The following PLAGL1 variants were observed in gnomAD, a reference collection of about 807,000 sequenced individuals.
PLAGL1 encodes the protein PLAG1 like zinc finger 1, also known as zinc finger protein PLAGL1.
In PLAGL1, 1 loss-of-function variant was observed where a neutral mutation model predicts 4.6. The ratio of observed to expected loss-of-function variants is 0.22; its 90% CI spans 0.08 to 1.03. PLAGL1 has a LOEUF of 1.03. Ranked by LOEUF, PLAGL1 falls within the 50% of genes least tolerant of loss-of-function variation. The pLI is 0.58. For synonymous variants in PLAGL1, 240 were observed against 237.8 expected, an observed-to-expected ratio of 1.01 and a Z score of -0.08; for missense variants, 464 against 570.4, an observed-to-expected ratio of 0.81 and a Z score of 1.90.
At chr6:144,002,881 GGC>G (rs1793212217) in intron 1 of PLAGL1, among the ~76,000 whole-genome samples, 2 of 62,060 alleles carry the variant, frequency 3.2e-5, no homozygotes, top group African/African-American at 6.3e-5. Flanking sequence ...AATTCTGGTA[GGC>G]TTTTTTTTTT....
rs771959962 is a variant in PLAGL1 at position 143,941,389 on chromosome 6, C to A, written c.*35G>T. Reference sequence around the variant, plus strand: ...ACATTTAAAATGCTTCTTAAAACATCTTCCAGAATACGAAAAATACACTTT... The same window carrying A: ...ACATTTAAAATGCTTCTTAAAACATATTCCAGAATACGAAAAATACACTTT... On this transcript the variant is annotated 3_prime_UTR_variant, in exon 8 of 8. Coordinates refer to ENST00000674357, the MANE Select transcript of PLAGL1 (RefSeq NM_001317162.2). The surrounding 1 kb of genome is among the most constrained non-coding windows in gnomAD (Gnocchi z 6.0). 2.0e-6 allele frequency: 3 copies of A among 1,465,954 alleles called. No individual in the cohort carries two copies. Among genetic ancestry groups the A allele is most frequent in the Non-Finnish European group, 2.7e-6 (3 of 1,098,600 alleles). The allele number at this position is 1,465,954 out of a possible 1,614,324, so 90.8% of individuals were successfully genotyped here. A position where few individuals can be genotyped will look rare whatever the true frequency, so the allele number is the denominator to read the frequency against.
chr6:144,057,542 T>C (rs902654591), intron 1 of PLAGL1, among the ~76,000 whole-genome samples: 1 of 152,202 alleles, frequency 6.6e-6, no homozygotes, highest in African/African-American at 2.4e-5. Flanking sequence ...TACCCTTCCC[T>C]GCACTGGTGC....
intron 1 of PLAGL1, among the ~76,000 whole-genome samples, chr6:143,996,999 A>G (rs917765936): frequency 6.6e-6 from 1 of 152,112 alleles, no homozygotes; most frequent in Admixed American, 6.5e-5. Flanking sequence ...ACCACTAAAA[A>G]CCCGATAAAC....
chr6:143,953,941 G>A lies in PLAGL1; in HGVS notation c.-324-5481C>T, dbSNP rs1781567659. 1.3e-5 allele frequency among the ~76,000 whole-genome samples: 2 copies of A among 152,136 alleles called. No individual in the cohort carries two copies. ...CTGACCTCTCCTGATGCCTGCAGTG[G>A]GGTGCCTGCCCTTCCTTCCCCTAGC... is the stretch of plus-strand genomic sequence containing the variant. On this transcript the variant is annotated intron_variant, in intron 6 of 7. Coordinates refer to ENST00000674357, the MANE Select transcript of PLAGL1 (RefSeq NM_001317162.2). This position sits in a 1 kb window ranked among gnomAD's most constrained non-coding sequence, Gnocchi z 5.3.
chr6:143,987,067 T>C (rs138181501), intron 1 of PLAGL1, among the ~76,000 whole-genome samples: 2 of 152,302 alleles, frequency 1.3e-5, no homozygotes, highest in Non-Finnish European at 2.9e-5. Context: ...CACTGAAATA[T>C]ATTAAAAACA....
At chr6:144,029,998 A>G (rs1325310014) in intron 1 of PLAGL1, among the ~76,000 whole-genome samples, 1 of 152,192 alleles carries the variant, frequency 6.6e-6, no homozygotes, top group East Asian at 1.9e-4. Context: ...TCACGCCTGT[A>G]ATCCCAGCAC....
rs545060346 is a variant in PLAGL1 at position 144,015,453 on chromosome 6, C to A, written c.-150-46475G>T. Among the ~76,000 whole-genome samples, 19 of 152,062 alleles carry A rather than the reference C, an allele frequency of 1.2e-4. No homozygotes were observed. Among genetic ancestry groups the A allele is most frequent in the Non-Finnish European group, 1.5e-5 (1 of 68,004 alleles). On this transcript the variant is annotated intron_variant, in intron 1 of 3. Coordinates refer to the PLAGL1 transcript ENST00000437412. The surrounding 1 kb of genome is among the most constrained non-coding windows in gnomAD (Gnocchi z 4.3). ...CAATTGGATTTTACTAAAATAAAACCTGATCTTTAAAAGAGACCATTAAGG... is the reference window on the plus strand; with the variant it reads ...CAATTGGATTTTACTAAAATAAAACATGATCTTTAAAAGAGACCATTAAGG...
intron 1 of PLAGL1, among the ~76,000 whole-genome samples, chr6:144,018,145 G>A (rs919508306): frequency 3.3e-5 from 5 of 152,230 alleles, no homozygotes; most frequent in African/African-American, 7.2e-5. Flanking sequence ...AAACTACTTC[G>A]GGGAACATTG....
Position 144,036,523 on chromosome 6 carries a change from C to G in PLAGL1, c.-151+27945G>C. 1 of 171,338 alleles carries G rather than the reference C, an allele frequency of 5.8e-6. No individual in the cohort carries two copies. The highest frequency in any genetic ancestry group is 2.6e-3 in the Middle Eastern group (1 of 388). The allele number at this position is 171,338 out of a possible 1,614,324, so 10.6% of individuals were successfully genotyped here. On this transcript the variant is annotated intron_variant, in intron 1 of 3. Transcript: ENST00000437412. This position sits in a 1 kb window ranked among gnomAD's most constrained non-coding sequence, Gnocchi z 5.1. ...TCAGCACTTTGTGACAGGACAATTA[C>G]TGCCGCGTGACAGGACTCCAGTCCT... is the stretch of plus-strand genomic sequence containing the variant.
In PLAGL1 at chr6:143,947,933, A is replaced by G. The variant is rs1780137040; in HGVS notation, c.152+52T>C. 6.7e-7 allele frequency: 1 copy of G among 1,502,788 alleles called. No homozygotes were observed. Among genetic ancestry groups the G allele is most frequent in the East Asian group, 2.3e-5 (1 of 43,958 alleles). The allele number at this position is 1,502,788 out of a possible 1,614,324, so 93.1% of individuals were successfully genotyped here. A position where few individuals can be genotyped will look rare whatever the true frequency, so the allele number is the denominator to read the frequency against. ...GCATCGTGTGGTCTGAGGGCTAGAA[A>G]AGCCATTTAAACGTACTTCTAAAAG... On this transcript the variant is annotated intron_variant, in intron 7 of 7. Transcript: ENST00000674357. The surrounding 1 kb of genome is among the most constrained non-coding windows in gnomAD (Gnocchi z 4.3).
intron 1 of PLAGL1, among the ~76,000 whole-genome samples, chr6:144,001,462 A>G (rs1792862595): frequency 6.6e-6 from 1 of 152,212 alleles, no homozygotes; most frequent in African/African-American, 2.4e-5. Flanking sequence ...TACCACAATA[A>G]TAATTGCTGC....
rs756972737 is a variant in PLAGL1 at position 143,945,031 on chromosome 6, A to C, written c.153-2368T>G. On this transcript the variant is annotated intron_variant, in intron 7 of 7. Coordinates refer to ENST00000674357, the MANE Select transcript of PLAGL1 (RefSeq NM_001317162.2). This position sits in a 1 kb window ranked among gnomAD's most constrained non-coding sequence, Gnocchi z 4.2. ...GACACCCCAGTAGTACTTGAGCAAG[A>C]CCACTGCCTTCCAGACTTCACTAGC... Among the ~76,000 whole-genome samples the C allele has an allele frequency of 2.0e-4, 31 of 152,110 alleles. No homozygotes were observed. The highest frequency in any genetic ancestry group is 3.5e-4 in the Non-Finnish European group (24 of 68,016).
chr6:143,975,655 T>C lies in PLAGL1; in HGVS notation c.-543-6677A>G, dbSNP rs968179988. 1.3e-5 allele frequency among the ~76,000 whole-genome samples: 2 copies of C among 152,166 alleles called. No individual in the cohort carries two copies. Among genetic ancestry groups the C allele is most frequent in the African/African-American group, 4.8e-5 (2 of 41,436 alleles). ...GCATTAAAAGTTTAGCCTTCAAATC[T>C]AGGATTTTATGGGGGACAACTAATG... On this transcript the variant is annotated intron_variant, in intron 2 of 7. Transcript: ENST00000674357. The surrounding 1 kb of genome is among the most constrained non-coding windows in gnomAD (Gnocchi z 5.8).
Position 143,990,291 on chromosome 6 carries a change from T to G in PLAGL1, c.-583-5117A>C, listed in dbSNP as rs552749626. 5.3e-4 allele frequency among the ~76,000 whole-genome samples: 81 copies of G among 152,280 alleles called. No homozygotes were observed. Among genetic ancestry groups the G allele is most frequent in the African/African-American group, 1.9e-3 (78 of 41,564 alleles). On this transcript the variant is annotated intron_variant, in intron 1 of 7. Coordinates refer to ENST00000674357, the MANE Select transcript of PLAGL1 (RefSeq NM_001317162.2). The surrounding 1 kb of genome is among the most constrained non-coding windows in gnomAD (Gnocchi z 5.4). ...ATGTGCCACCATGCCCAGCTAATTT[T>G]TGTATTTTTATTAGAGACGGGGTTT...
intron 1 of PLAGL1, among the ~76,000 whole-genome samples, chr6:143,988,381 G>A (rs1481061865): frequency 1.3e-5 from 2 of 152,116 alleles, no homozygotes; most frequent in African/African-American, 4.8e-5. Context: ...TCCCATAAAT[G>A]CCCTTGGCAG....
chr6:144,058,668 A>T (rs1367552992), intron 1 of PLAGL1, among the ~76,000 whole-genome samples: 1 of 152,176 alleles, frequency 6.6e-6, no homozygotes, highest in Non-Finnish European at 1.5e-5. Context: ...TTCTAAAGGG[A>T]TATATTGGCC....
Position 143,972,098 on chromosome 6 carries a change from G to C in PLAGL1, c.-543-3120C>G, listed in dbSNP as rs972982984. On this transcript the variant is annotated intron_variant, in intron 2 of 7. Transcript: ENST00000674357. The surrounding 1 kb of genome is among the most constrained non-coding windows in gnomAD (Gnocchi z 6.8). ...AATCAGGTAACAGCAGACCAATCAGGTTCTCCCAAAATTTAGTATTTGCAG... is the reference window on the plus strand; with the variant it reads ...AATCAGGTAACAGCAGACCAATCAGCTTCTCCCAAAATTTAGTATTTGCAG... 2.0e-5 allele frequency among the ~76,000 whole-genome samples: 3 copies of C among 152,164 alleles called. No individual in the cohort carries two copies. The highest frequency in any genetic ancestry group is 2.1e-4 in the South Asian group (1 of 4,830).
At position 143,991,269 on chromosome 6, in the gene PLAGL1, C is replaced by A. The variant is rs151203852; in HGVS notation, c.-583-6095G>T. 2.4e-3 allele frequency among the ~76,000 whole-genome samples: 361 copies of A among 152,266 alleles called. 1 individual carries two copies. Among genetic ancestry groups the A allele is most frequent in the African/African-American group, 8.1e-3 (338 of 41,548 alleles). On this transcript the variant is annotated intron_variant, in intron 1 of 7. Coordinates refer to ENST00000674357, the MANE Select transcript of PLAGL1 (RefSeq NM_001317162.2). ...CTAAATATTTATGTTATAAATTATG[C>A]AGACCAACTAAGTTCAAAGCTAACC...
upstream of PLAGL1, among the ~76,000 whole-genome samples, chr6:144,011,827 C>G (rs1795211876): frequency 6.6e-6 from 1 of 152,162 alleles, no homozygotes; most frequent in South Asian, 2.1e-4. The surrounding 1 kb of genome is among the most constrained non-coding windows in gnomAD (Gnocchi z 4.3). Context: ...AGGGAACATC[C>G]CATGCCTCAG....
Sources: allele counts gnomAD v4.1 joint callset (sites outside exome capture counted in the v4.1 genomes callset), GRCh38; gene constraint gnomAD v4.1.1; non-coding constraint Gnocchi (gnomAD v3.1); transcripts MANE v1.5; gene names NCBI Gene and HGNC (gene_info 2026-07-23, HGNC 2026-07-21).